The following DHX57 variants were observed in gnomAD, a reference collection of about 807,000 sequenced individuals.
The protein encoded by DHX57 is putative ATP-dependent RNA helicase DHX57.
A neutral mutation model predicts 156.2 loss-of-function variants in DHX57; 105 were observed. The ratio of observed to expected loss-of-function variants is 0.67; its 90% CI spans 0.57 to 0.79. The LOEUF (loss-of-function observed/expected upper bound fraction) is 0.79, where lower values mean the gene tolerates loss of function less well. DHX57 is among the 30% of genes least tolerant of loss of function. The pLI is 0.00. For synonymous variants in DHX57, 704 were observed against 595.6 expected, an observed-to-expected ratio of 1.18 and a Z score of -2.65; for missense variants, 1,847 against 1,661.9, an observed-to-expected ratio of 1.11 and a Z score of -1.94.
At position 38,826,502 on chromosome 2, in the gene DHX57, AC is replaced by A; in HGVS notation, c.2813+13del. 1 of 1,611,888 alleles carries A rather than the reference AC, an allele frequency of 6.2e-7. No individual in the cohort carries two copies. The highest frequency in any genetic ancestry group is 1.1e-5 in the South Asian group (1 of 90,844). On this transcript the variant is annotated intron_variant, in intron 15 of 23. Coordinates refer to ENST00000457308, the MANE Select transcript of DHX57 (RefSeq NM_198963.3). The stretch of plus-strand genomic sequence containing the variant: ...TTTTTAGCCCCTCTCTTACATCACC[AC>A]AAGACGGAATACCTCTTTTCTTTCA...
rs1037613708 is a variant in DHX57, at chr2:38,798,077, G to A, written c.*222C>T. On this transcript the variant is annotated 3_prime_UTR_variant, in exon 24 of 24. Coordinates refer to ENST00000457308, the MANE Select transcript of DHX57 (RefSeq NM_198963.3). ...CAAAGACAGGCAAGCTGGGTTTTAG[G>A]CTCTCACCCTTGACACTCCAAATTG... 10 of 440,772 alleles carry A rather than the reference G, an allele frequency of 2.3e-5. No individual in the cohort carries two copies. The highest frequency in any genetic ancestry group is 3.3e-5 in the Non-Finnish European group (8 of 245,016). 27.3% of individuals were successfully genotyped at this position (440,772 alleles called of 1,614,324 possible).
Position 38,828,432 on chromosome 2 carries a change from A to G in DHX57, c.2547T>C (p.Ala849=). ...VDGKHSYPPG[A]ILVFLPGLAE... ...CTAGTCCTGGTAAAAATACAAGTAT[A>G]GCACCTGGGTATATAAAAAGAATCA... is the stretch of plus-strand genomic sequence containing the variant. The change falls in exon 14 of 24, where the codon GCT becomes GCC. Residue 849 remains alanine (A), a synonymous_variant. Coordinates refer to ENST00000457308, the MANE Select transcript of DHX57 (RefSeq NM_198963.3). 2 of 1,610,156 alleles carry G rather than the reference A, an allele frequency of 1.2e-6. No individual in the cohort carries two copies. The highest frequency in any genetic ancestry group is 1.7e-6 in the Non-Finnish European group (2 of 1,177,724).
intron 9 of DHX57, chr2:38,853,693 A>G (rs2124910161): frequency 6.4e-6 from 1 of 156,262 alleles, no homozygotes; most frequent in Admixed American, 6.4e-5. Flanking sequence ...ACATGAATCA[A>G]TGTCAGGACT....
At chr2:38,837,729 T>C in intron 13 of DHX57, 102 bp downstream of exon 13, 1 of 732,732 alleles carries the variant, frequency 1.4e-6, no homozygotes, top group South Asian at 1.7e-5. Flanking sequence ...GTAGCCTGTG[T>C]GCAGAGTCTG....
rs1672829111 is a variant in DHX57 at position 38,855,173 on chromosome 2, T to G, written c.1789A>C (p.Ile597Leu). The G allele has an allele frequency of 1.9e-6, 3 of 1,614,078 alleles. No individual in the cohort carries two copies. The African/African-American group carries it at 4.0e-5, about 22-fold the overall frequency. ...GAGATTCGTCGGGGTTGGGTACAGATGATGTTGGCTACCTTCTCAGGTGGT... is the reference window on the plus strand; with the variant it reads ...GAGATTCGTCGGGGTTGGGTACAGAGGATGTTGGCTACCTTCTCAGGTGGT... The part of the protein sequence containing the change: ...NGPPEKVANI[I>L]CTQPRRISAI... Residue 597 changes from isoleucine (I) to leucine (L), a missense_variant, in exon 8 of 24, where the codon ATC (isoleucine) becomes CTC (leucine). Coordinates refer to ENST00000457308, the MANE Select transcript of DHX57 (RefSeq NM_198963.3).
intron 1 of DHX57, among the ~76,000 whole-genome samples, chr2:38,870,024 G>A (rs182818557): frequency 6.6e-6 from 1 of 151,996 alleles, no homozygotes; most frequent in Non-Finnish European, 1.5e-5. Flanking sequence ...TATATAAAAA[G>A]AACCAAATGG....
In DHX57 at chr2:38,854,057, T is replaced by G. The variant is rs759815116; in HGVS notation, c.2027A>C (p.Glu676Ala). 3.1e-6 allele frequency: 5 copies of G among 1,606,760 alleles called. No homozygotes were observed. Among genetic ancestry groups the G allele is most frequent in the Non-Finnish European group, 3.4e-6 (4 of 1,176,758 alleles). ...IVDEVHERTEESDFLLLVLKD... is the reference protein window; with the variant it reads ...IVDEVHERTEASDFLLLVLKD... ...CCTGGGAAAGTCTTTGTTTTACCTTTCTTCTGTCCTCTCATGAACTTCATC... is the reference window on the plus strand; with the variant it reads ...CCTGGGAAAGTCTTTGTTTTACCTTGCTTCTGTCCTCTCATGAACTTCATC... Residue 676 changes from glutamate to alanine, a missense_variant, in exon 9 of 24, where the codon GAA becomes GCA. Transcript: ENST00000457308.
chr2:38,859,720 T>G (rs1259043548), intron 5 of DHX57, among the ~76,000 whole-genome samples: 1 of 152,034 alleles, frequency 6.6e-6, no homozygotes, highest in African/African-American at 2.4e-5. Context: ...GTGTCACTGT[T>G]CTCTACTCAT....
chr2:38,836,987 A>C (rs1258880265), intron 13 of DHX57, among the ~76,000 whole-genome samples: 4 of 151,960 alleles, frequency 2.6e-5, no homozygotes, highest in Admixed American at 2.0e-4. Context: ...TGCTGGGACT[A>C]CAGGCATGTG....
At chr2:38,836,696 C>A (rs1671677443) in intron 13 of DHX57, among the ~76,000 whole-genome samples, 4 of 151,100 alleles carry the variant, frequency 2.6e-5, no homozygotes. Flanking sequence ...ACTGCTTGAA[C>A]CCAGGAGGAA....
chr2:38,854,007 C>A, intron 9 of DHX57, 47 bp downstream of exon 9: 1 of 1,522,686 alleles, frequency 6.6e-7, no homozygotes, highest in Non-Finnish European at 8.8e-7. Flanking sequence ...TCTGCCATGC[C>A]TTCAATTCAG....
Position 38,803,100 on chromosome 2 carries a change from A to G in DHX57, c.3817-185T>C, listed in dbSNP as rs1669773373. ...ACTTGCCATCTCCTCTTGGACATTT[A>G]ATACATATCTCACACTTGTGTTTAA... On this transcript the variant is annotated intron_variant, in intron 22 of 23. Transcript: ENST00000457308. The G allele has an allele frequency of 2.3e-5, 14 of 616,302 alleles. No individual in the cohort carries two copies. In the South Asian group the frequency reaches 2.7e-4, roughly 12 times the overall value. 38.2% of individuals were successfully genotyped at this position (616,302 alleles called of 1,614,324 possible).
intron 11 of DHX57, among the ~76,000 whole-genome samples, chr2:38,843,830 TTCTC>T (rs1470909619): frequency 2.0e-5 from 3 of 152,210 alleles, no homozygotes; most frequent in Non-Finnish European, 2.9e-5. Flanking sequence ...AGGCTTTACT[TTCTC>T]ATGTTTTGGG....
At chr2:38,809,179 G>A (rs1670106807) in intron 21 of DHX57, among the ~76,000 whole-genome samples, 1 of 152,068 alleles carries the variant, frequency 6.6e-6, no homozygotes, top group African/African-American at 2.4e-5. Context: ...TAGTGTAGTG[G>A]CACAATCACG....
chr2:38,815,498 A>T, intron 20 of DHX57, 23 bp downstream of exon 20: 1 of 1,613,792 alleles, frequency 6.2e-7, no homozygotes, highest in African/African-American at 1.3e-5. Flanking sequence ...AAGAGAAATG[A>T]GAACCAACTC....
chr2:38,858,403 T>C (rs1337451023), intron 6 of DHX57, among the ~76,000 whole-genome samples: 1 of 148,780 alleles, frequency 6.7e-6, no homozygotes, highest in Non-Finnish European at 1.5e-5. Context: ...TACCAGATTG[T>C]CTGTCACAGT....
intron 16 of DHX57, among the ~76,000 whole-genome samples, chr2:38,824,460 A>G (rs766939897): frequency 6.6e-6 from 1 of 152,194 alleles, no homozygotes; most frequent in Non-Finnish European, 1.5e-5. Context: ...AGTTAACGGT[A>G]CTGTGTTGTA....
intron 9 of DHX57, among the ~76,000 whole-genome samples, chr2:38,849,147 T>G (rs983197317): frequency 6.6e-6 from 1 of 152,232 alleles, no homozygotes; most frequent in East Asian, 1.9e-4. Flanking sequence ...CAGTAGAAAC[T>G]ACCCAAATGT....
At chr2:38,871,960 G>A (rs183440750) in intron 1 of DHX57, among the ~76,000 whole-genome samples, 3 of 152,078 alleles carry the variant, frequency 2.0e-5, no homozygotes, top group East Asian at 3.9e-4. Flanking sequence ...CGCCTGCCTC[G>A]GCCTCCCAAA....
Sources: allele counts gnomAD v4.1 joint callset (sites outside exome capture counted in the v4.1 genomes callset), GRCh38; gene constraint gnomAD v4.1.1; transcripts MANE v1.5; gene names NCBI Gene and HGNC (gene_info 2026-07-23, HGNC 2026-07-21).